UHRF2: variants seen among roughly 807,000 people sequenced by gnomAD.
UHRF2 encodes ubiquitin like with PHD and ring finger domains 2, also known as E3 ubiquitin-protein ligase UHRF2.
UHRF2 carries 23 observed loss-of-function variants against 96.8 expected under a neutral mutation model. The observed-to-expected ratio is 0.24, with a 90% CI of 0.17 to 0.34. The LOEUF is 0.34. Ranked by LOEUF, UHRF2 falls within the 10% of genes least tolerant of loss-of-function variation. The pLI is 1.00. For missense variants in UHRF2, 685 were observed against 981.5 expected, an observed-to-expected ratio of 0.70 and a Z score of 4.04; for synonymous variants, 385 against 332.6, an observed-to-expected ratio of 1.16 and a Z score of -1.72.
chr9:6,442,063 T>A (rs138886283), intron 3 of UHRF2, among the ~76,000 whole-genome samples: 6 of 152,280 alleles, frequency 3.9e-5, no homozygotes, highest in African/African-American at 1.4e-4. Context: ...CCTCCTGGGT[T>A]CAACAATTCT....
At chr9:6,444,291 A>T (rs1416964514) in intron 3 of UHRF2, among the ~76,000 whole-genome samples, 2 of 151,834 alleles carry the variant, frequency 1.3e-5, no homozygotes, top group Non-Finnish European at 2.9e-5. Flanking sequence ...TATTTCCTCT[A>T]ACTGTCTATG....
At chr9:6,430,939 A>G (rs1255305802) in intron 2 of UHRF2, among the ~76,000 whole-genome samples, 1 of 152,234 alleles carries the variant, frequency 6.6e-6, no homozygotes, top group Non-Finnish European at 1.5e-5. Context: ...AGTATAATTC[A>G]GATGCTCCCA....
chr9:6,499,944 T>C lies in UHRF2; in HGVS notation c.2005+13T>C. 1.9e-6 allele frequency: 3 copies of C among 1,569,948 alleles called. No individual in the cohort carries two copies. Among genetic ancestry groups the C allele is most frequent in the Non-Finnish European group, 2.6e-6 (3 of 1,144,976 alleles). On this transcript the variant is annotated intron_variant, in intron 13 of 15. Transcript: ENST00000276893. ...CCAATTTCAGATGGTAGGTAATGAT[T>C]GCAAAATATAAATAATAATAACATA...
In UHRF2 at chr9:6,416,849, C is replaced by G. The variant is rs1391687838; in HGVS notation, c.153+3206C>G. On this transcript the variant is annotated intron_variant, in intron 1 of 15. Coordinates refer to ENST00000276893, the MANE Select transcript of UHRF2 (RefSeq NM_152896.3). Reference sequence around the variant, plus strand: ...GCCTAAATCTTTTGAGAATCCAGAGCTTTTCCTATTTTAAAGGATTCTCTC... The same window carrying G: ...GCCTAAATCTTTTGAGAATCCAGAGGTTTTCCTATTTTAAAGGATTCTCTC... Among the ~76,000 whole-genome samples, 4 of 152,256 alleles carry G rather than the reference C, an allele frequency of 2.6e-5. No individual in the cohort carries two copies. In the East Asian group the frequency reaches 5.8e-4, roughly 22 times the overall value.
chr9:6,449,755 C>T (rs1255555076), intron 3 of UHRF2, among the ~76,000 whole-genome samples: 1 of 152,218 alleles, frequency 6.6e-6, no homozygotes, highest in East Asian at 1.9e-4. Context: ...TTCTGGGAGT[C>T]TGGAATTCTG....
At chr9:6,420,701 C>T (rs1290510910) in intron 1 of UHRF2, among the ~76,000 whole-genome samples, 2 of 143,570 alleles carry the variant, frequency 1.4e-5, no homozygotes, top group Non-Finnish European at 3.0e-5. Flanking sequence ...AGTGAGACAC[C>T]GTCTCAAAAA....
At chr9:6,432,155 C>T (rs1030618816) in intron 2 of UHRF2, among the ~76,000 whole-genome samples, 1 of 152,120 alleles carries the variant, frequency 6.6e-6, no homozygotes, top group African/African-American at 2.4e-5. Flanking sequence ...GATTGTTTGT[C>T]CTACCCAGCA....
chr9:6,425,316 T>C (rs1587769245), intron 2 of UHRF2, among the ~76,000 whole-genome samples: 1 of 152,234 alleles, frequency 6.6e-6, no homozygotes, highest in Non-Finnish European at 1.5e-5. Flanking sequence ...CCCTTTGACA[T>C]ACCCCCATTA....
intron 4 of UHRF2, among the ~76,000 whole-genome samples, chr9:6,461,448 C>G (rs1256852287): frequency 1.4e-5 from 2 of 147,412 alleles, no homozygotes; most frequent in East Asian, 4.1e-4. Flanking sequence ...TCTTGGCTCA[C>G]TGTAACCTCT....
chr9:6,448,963 A>G (rs1206376960), intron 3 of UHRF2, among the ~76,000 whole-genome samples: 1 of 152,246 alleles, frequency 6.6e-6, no homozygotes, highest in Non-Finnish European at 1.5e-5. Flanking sequence ...AACAAGCAGT[A>G]TCATGAGCCC....
rs1393342934 is a variant in UHRF2 at position 6,413,475 on chromosome 9, C to T, written c.-16C>T. The stretch of plus-strand genomic sequence containing the variant: ...AGGGGGAGACAAAGGGGACCGGTTC[C>T]TCTCTAGGCGCCAAGATGTGGATAC... On this transcript the variant is annotated 5_prime_UTR_variant, in exon 1 of 16. Coordinates refer to ENST00000276893, the MANE Select transcript of UHRF2 (RefSeq NM_152896.3). 5 of 1,529,436 alleles carry T rather than the reference C, an allele frequency of 3.3e-6. No individual in the cohort carries two copies. In the Middle Eastern group the frequency reaches 5.2e-4, roughly 159 times the overall value. 94.7% of individuals were successfully genotyped at this position (1,529,436 alleles called of 1,614,324 possible).
chr9:6,501,952 A>G (rs184494099), intron 14 of UHRF2, among the ~76,000 whole-genome samples: 6 of 152,282 alleles, frequency 3.9e-5, no homozygotes, highest in Non-Finnish European at 5.9e-5. Context: ...TGTCTTCCCT[A>G]TGGGTAGTGT....
At chr9:6,424,469 A>T (rs1205885066) in intron 2 of UHRF2, among the ~76,000 whole-genome samples, 1 of 152,204 alleles carries the variant, frequency 6.6e-6, no homozygotes, top group Non-Finnish European at 1.5e-5. Context: ...AATACTTAAT[A>T]CATTTTTTAC....
At chr9:6,427,363 G>A (rs1056118108) in intron 2 of UHRF2, among the ~76,000 whole-genome samples, 1 of 152,112 alleles carries the variant, frequency 6.6e-6, no homozygotes, top group Non-Finnish European at 1.5e-5. Context: ...TTCAAAACTG[G>A]CATAGGTAAA....
chr9:6,474,855 C>A (rs1587847168), intron 4 of UHRF2, among the ~76,000 whole-genome samples: 1 of 152,068 alleles, frequency 6.6e-6, no homozygotes, highest in African/African-American at 2.4e-5. Flanking sequence ...AAAAGGGCAT[C>A]TTATTTTTGC....
intron 2 of UHRF2, chr9:6,422,677 A>G (rs1262624977): frequency 1.6e-6 from 1 of 635,958 alleles, no homozygotes; most frequent in African/African-American, 1.8e-5. Context: ...TGACGTGAAC[A>G]CGGCTCGCTG....
intron 9 of UHRF2, among the ~76,000 whole-genome samples, chr9:6,489,606 T>C (rs1824531104): frequency 1.3e-5 from 2 of 152,234 alleles, no homozygotes; most frequent in Admixed American, 1.3e-4. Flanking sequence ...TTTTAGCCAT[T>C]CTGATAGGTG....
intron 10 of UHRF2, 112 bp from the exon 11 acceptor site, chr9:6,497,086 T>C (rs1368080443): frequency 1.1e-6 from 1 of 927,486 alleles, no homozygotes; most frequent in Non-Finnish European, 1.6e-6. Flanking sequence ...GAAAGAATCA[T>C]AGAATCTTAA....
intron 4 of UHRF2, among the ~76,000 whole-genome samples, chr9:6,474,087 G>A (rs1303302499): frequency 1.3e-5 from 2 of 152,150 alleles, no homozygotes; most frequent in African/African-American, 4.8e-5. Context: ...ATATAACTTC[G>A]GAGGACATGA....
Sources: allele counts gnomAD v4.1 joint callset (sites outside exome capture counted in the v4.1 genomes callset), GRCh38; gene constraint gnomAD v4.1.1; transcripts MANE v1.5; gene names NCBI Gene and HGNC (gene_info 2026-07-23, HGNC 2026-07-21).